Variants in IFI16 observed in about 807,000 individuals in gnomAD.
The protein encoded by IFI16 is gamma-interferon-inducible protein 16.
Under a neutral mutation model 68.4 loss-of-function variants are expected in IFI16, and 49 were observed. The observed-to-expected ratio is 0.72, with a 90% CI of 0.57 to 0.91. The LOEUF (loss-of-function observed/expected upper bound fraction) is 0.91, where lower values mean the gene tolerates loss of function less well. Among genes scored for constraint, IFI16 ranks in the 40% least tolerant of loss-of-function variants. The pLI is 0.00. For missense variants in IFI16, 878 were observed against 942.9 expected, an observed-to-expected ratio of 0.93 and a Z score of 0.90; for synonymous variants, 307 against 315.0, an observed-to-expected ratio of 0.97 and a Z score of 0.27.
chr1:159,009,652 T>C (rs952181431), upstream of IFI16, among the ~76,000 whole-genome samples: 2 of 152,222 alleles, frequency 1.3e-5, no homozygotes, highest in African/African-American at 2.4e-5. Context: ...AAAAAACTTA[T>C]TTGTGTTTAT....
intron 6 of IFI16, among the ~76,000 whole-genome samples, chr1:159,024,084 A>G (rs191965010): frequency 8.9e-4 from 135 of 152,366 alleles, no homozygotes; most frequent in African/African-American, 3.1e-3. Context: ...TACCATGCGT[A>G]CAAGCGTGAT....
intron 1 of IFI16, among the ~76,000 whole-genome samples, chr1:159,013,731 A>G (rs965708129): frequency 3.3e-5 from 5 of 152,180 alleles, no homozygotes; most frequent in African/African-American, 1.2e-4. Flanking sequence ...CTTTCCAGGC[A>G]GTAAGAAGGA....
At chr1:159,019,719 A>G (rs1653180463) in intron 5 of IFI16, among the ~76,000 whole-genome samples, 1 of 152,208 alleles carries the variant, frequency 6.6e-6, no homozygotes, top group Non-Finnish European at 1.5e-5. Flanking sequence ...TCGGCCTCCC[A>G]AAGTGCTGGG....
rs748468248 is a variant in IFI16, at chr1:159,049,623, C to T, written c.1665+24C>T. On this transcript the variant is annotated intron_variant, in intron 9 of 11. Transcript: ENST00000295809. ...CGGTACAAGTTCCCTCTTCCCAATA[C>T]ATTCCCCTCGCTACTATATAATGAC... 23 of 1,612,902 alleles carry T rather than the reference C, an allele frequency of 1.4e-5. No individual in the cohort carries two copies. The Middle Eastern group carries it at 6.6e-4, about 46-fold the overall frequency.
At chr1:159,021,153 A>C (rs1351417108) in intron 6 of IFI16, among the ~76,000 whole-genome samples, 1 of 152,126 alleles carries the variant, frequency 6.6e-6, no homozygotes, top group Non-Finnish European at 1.5e-5. Flanking sequence ...TATAGGAATA[A>C]GTTCTTTAGT....
intron 8 of IFI16, among the ~76,000 whole-genome samples, chr1:159,048,352 A>G (rs1476715117): frequency 6.6e-6 from 1 of 151,516 alleles, no homozygotes; most frequent in Non-Finnish European, 1.5e-5. Flanking sequence ...CACATGTGAG[A>G]AAACTGAGAT....
Position 159,018,640 on chromosome 1 carries a change from A to T in IFI16, c.961A>T (p.Met321Leu). The T allele has an allele frequency of 6.2e-7, 1 of 1,606,098 alleles. No homozygotes were observed. The highest frequency in any genetic ancestry group is 8.5e-7 in the Non-Finnish European group (1 of 1,176,134). ...AGGAAATATTGTATATGGGGTATTT[A>T]TGCTACATAAGGTAAGTCCTCAAAA... is the stretch of plus-strand genomic sequence containing the variant. ...ASGNIVYGVF[M>L]LHKKTVNQKT... Residue 321 changes from methionine (M) to leucine (L), a missense_variant, in exon 5 of 12, where the codon ATG becomes TTG. This residue lies in a region of IFI16 where 443 missense variants were observed against 421.8 expected (regional missense o/e 1.05). Coordinates refer to ENST00000295809, the MANE Select transcript of IFI16 (RefSeq NM_001376587.1).
At chr1:159,021,223 G>A (rs1653292826) in intron 6 of IFI16, among the ~76,000 whole-genome samples, 1 of 152,054 alleles carries the variant, frequency 6.6e-6, no homozygotes, top group Non-Finnish European at 1.5e-5. Context: ...TACCCAGTGT[G>A]TATGTAGCAT....
At chr1:159,020,972 T>A (rs1438073725) in intron 6 of IFI16, among the ~76,000 whole-genome samples, 1 of 152,348 alleles carries the variant, frequency 6.6e-6, no homozygotes, top group East Asian at 1.9e-4. Flanking sequence ...ATCAAAATTA[T>A]GTCCCACTGA....
At position 159,051,836 on chromosome 1, in the gene IFI16, A is replaced by G; in HGVS notation, c.1823A>G (p.Asn608Ser). Residue 608 changes from asparagine to serine, a missense_variant, in exon 10 of 12, where the codon AAT becomes AGT. Asn to Ser is a conservative substitution (Grantham distance 46). Around this residue, in one of 4 missense-constraint regions of IFI16, gnomAD observed 311 missense variants for 305.1 expected, o/e 1.02. Coordinates refer to ENST00000295809, the MANE Select transcript of IFI16 (RefSeq NM_001376587.1). Reference sequence around the variant, plus strand: ...TTTCATGCCACAGTGGCAACTGAGAATGAAGTCTTCCGAGTGAAGGTTTTT... The same window carrying G: ...TTTCATGCCACAGTGGCAACTGAGAGTGAAGTCTTCCGAGTGAAGGTTTTT... ...KMFHATVATE[N>S]EVFRVKVFNI... 5 of 1,614,158 alleles carry G rather than the reference A, an allele frequency of 3.1e-6. No individual in the cohort carries two copies. Among genetic ancestry groups the G allele is most frequent in the Non-Finnish European group, 4.2e-6 (5 of 1,179,988 alleles).
chr1:159,040,189 C>T (rs1386179417), intron 7 of IFI16, among the ~76,000 whole-genome samples: 1 of 152,038 alleles, frequency 6.6e-6, no homozygotes, highest in Non-Finnish European at 1.5e-5. Context: ...GCTGCAGATG[C>T]ATGCATCACA....
chr1:159,007,509 C>A (rs983894503), upstream of IFI16, among the ~76,000 whole-genome samples: 5 of 152,168 alleles, frequency 3.3e-5, no homozygotes, highest in Non-Finnish European at 7.4e-5. Context: ...TTGGCTCCAA[C>A]ACTAACTAGG....
At chr1:159,025,361 A>AT (rs1452272331) in intron 6 of IFI16, among the ~76,000 whole-genome samples, 2 of 152,120 alleles carry the variant, frequency 1.3e-5, no homozygotes, top group East Asian at 1.9e-4. Flanking sequence ...ATATTTGACT[A>AT]TTTTTTGTAT....
chr1:159,036,035 A>G (rs370205223), intron 7 of IFI16, among the ~76,000 whole-genome samples: 1 of 152,170 alleles, frequency 6.6e-6, no homozygotes, highest in African/African-American at 2.4e-5. Context: ...TCCCATACCA[A>G]CTCGATCTAG....
At chr1:159,046,364 T>C (rs1388247463) in intron 8 of IFI16, among the ~76,000 whole-genome samples, 1 of 151,276 alleles carries the variant, frequency 6.6e-6, no homozygotes, top group East Asian at 1.9e-4. Flanking sequence ...TATGGAAAAT[T>C]GGCCACATTG....
At position 159,014,774 on chromosome 1, in the gene IFI16, G is replaced by C. The variant is rs1339514187; in HGVS notation, c.94G>C (p.Asp32His). The C allele has an allele frequency of 6.2e-7, 1 of 1,612,910 alleles. No individual in the cohort carries two copies. Among genetic ancestry groups the C allele is most frequent in the Admixed American group, 1.7e-5 (1 of 60,018 alleles). The change falls in exon 2 of 12, where the codon GAT (aspartate) becomes CAT (histidine). Residue 32 changes from aspartate (D) to histidine (H), a missense_variant. By Grantham distance (81) the Asp-to-His change is moderately conservative. Coordinates refer to ENST00000295809, the MANE Select transcript of IFI16 (RefSeq NM_001376587.1). ...FRMVKSLLSNDLKLNLKMREE... is the reference protein window; with the variant it reads ...FRMVKSLLSNHLKLNLKMREE... ...AATGGTTAAGTCCTTACTGAGCAAC[G>C]ATTTAAAACTTAATTTAAAAATGAG...
chr1:159,049,792 C>T lies in IFI16; in HGVS notation c.1665+193C>T, dbSNP rs530209000. Among the ~76,000 whole-genome samples, 3 of 152,286 alleles carry T rather than the reference C, an allele frequency of 2.0e-5. No homozygotes were observed. In the East Asian group the frequency reaches 5.8e-4, roughly 29 times the overall value. On this transcript the variant is annotated intron_variant, in intron 9 of 11. Transcript: ENST00000295809. ...AAATTCTGTTTTTATCATCTCTATTCCATAACAGGTATAATTAGATGTTTG... is the reference window on the plus strand; with the variant it reads ...AAATTCTGTTTTTATCATCTCTATTTCATAACAGGTATAATTAGATGTTTG...
At chr1:159,016,236 G>T (rs1458691912) in intron 3 of IFI16, among the ~76,000 whole-genome samples, 1 of 152,182 alleles carries the variant, frequency 6.6e-6, no homozygotes, top group African/African-American at 2.4e-5. Context: ...GAGTGTCAAC[G>T]TGAGAATCAG....
In IFI16 at chr1:159,020,358, G is replaced by T. The variant is rs147525533; in HGVS notation, c.990G>T (p.Lys330Asn). The part of the protein sequence containing the change: ...FMLHKKTVNQ[K>N]TTIYEIQDDR... ...TGTTACAGAAAACAGTAAATCAGAA[G>T]ACCACAATCTACGAAATTCAGGATG... The change falls in exon 6 of 12, where the codon AAG becomes AAT. Residue 330 changes from lysine (K) to asparagine (N), a missense_variant. Transcript: ENST00000295809. 2.5e-4 allele frequency: 409 copies of T among 1,607,792 alleles called. 1 individual carries two copies. Among genetic ancestry groups the T allele is most frequent in the Non-Finnish European group, 3.3e-4 (393 of 1,177,142 alleles).
Sources: allele counts gnomAD v4.1 joint callset (sites outside exome capture counted in the v4.1 genomes callset), GRCh38; gene constraint gnomAD v4.1.1; regional missense constraint gnomAD v4.1.1; transcripts MANE v1.5; gene names NCBI Gene and HGNC (gene_info 2026-07-23, HGNC 2026-07-21).